PLXNA3: variants seen among roughly 807,000 people sequenced by gnomAD.
PLXNA3 encodes plexin A3.
Under a neutral mutation model 118.8 loss-of-function variants are expected in PLXNA3, and 52 were observed. That is an observed-to-expected ratio of 0.44 (90% CI 0.35 to 0.55). PLXNA3 has a LOEUF of 0.55. PLXNA3 is among the 20% of genes least tolerant of loss of function. The pLI, the probability that PLXNA3 is intolerant of heterozygous loss-of-function variation, is 0.01. For synonymous variants in PLXNA3, 925 were observed against 762.4 expected (o/e 1.21, Z -3.51); for missense variants, 1,660 against 1,730.8 (o/e 0.96, Z 0.73).
At position 154,466,415 on chromosome X, in the gene PLXNA3, G is replaced by A; in HGVS notation, c.2839G>A (p.Ala947Thr). Residue 947 changes from alanine to threonine, a missense_variant, in exon 16 of 33, where the codon GCG becomes ACG. Ala to Thr is a moderately conservative substitution (Grantham distance 58). Around this residue, in one of 2 missense-constraint regions of PLXNA3, gnomAD observed 869 missense variants for 1,078.7 expected, o/e 0.81. Transcript: ENST00000369682. ...CCAAGTGAGTCCCAGCCGTGGCCCG[G>A]CGTCCGGGGGCACACGGCTTACCAT... Reference protein sequence around the residue: ...FDQVSPSRGPASGGTRLTISG... With the variant: ...FDQVSPSRGPTSGGTRLTISG... 1 of 1,211,227 alleles carries A rather than the reference G, an allele frequency of 8.3e-7. No individual in the cohort carries two copies. Among genetic ancestry groups the A allele is most frequent in the Non-Finnish European group, 1.1e-6 (1 of 895,335 alleles).
intron 2 of PLXNA3, 138 bp from the exon 3 acceptor site, chrX:154,460,961 A>G: frequency 1.5e-6 from 1 of 658,825 alleles, no homozygotes; most frequent in South Asian, 2.8e-5. Context: ...GAGGCTGGTC[A>G]CCCTGCCCTC....
At position 154,465,754 on chromosome X, in the gene PLXNA3, G is replaced by A. The variant is rs1557206763; in HGVS notation, c.2439G>A (p.Arg813=). 3 of 1,210,376 alleles carry A rather than the reference G, an allele frequency of 2.5e-6. No homozygotes were observed. The highest frequency in any genetic ancestry group is 3.5e-5 in the South Asian group (2 of 56,967). Residue 813 remains arginine, a synonymous_variant, in exon 13 of 33, where the codon AGG becomes AGA. Transcript: ENST00000369682. Reference sequence around the variant, plus strand: ...GTGGCTGGTGCATCTCAGAGCACAGGTGCCAGCTGCGGACCCACTGCCCGG... The same window carrying A: ...GTGGCTGGTGCATCTCAGAGCACAGATGCCAGCTGCGGACCCACTGCCCGG... ...FNCGWCISEH[R]CQLRTHCPAP...
rs782526813 is a variant in PLXNA3, at chrX:154,471,165, C to T, written c.5217C>T (p.His1739=). Residue 1739 remains histidine (H), a synonymous_variant, in exon 31 of 33, where the codon CAC becomes CAT. Transcript: ENST00000369682. ...ACCCGCAGTTCGTGTTCGACATCCA[C>T]AAGAACAGCATCACGGATGCCTGCC... ...IKNPQFVFDI[H]KNSITDACLS... The T allele has an allele frequency of 2.4e-5, 29 of 1,211,117 alleles. No homozygotes were observed. Among genetic ancestry groups the T allele is most frequent in the Non-Finnish European group, 3.1e-5 (28 of 894,991 alleles).
At position 154,472,900 on chromosome X, in the gene PLXNA3, AC is replaced by A; in HGVS notation, c.*219del. On this transcript the variant is annotated 3_prime_UTR_variant, in exon 33 of 33. Transcript: ENST00000369682. The stretch of plus-strand genomic sequence containing the variant: ...GGGAGGGGTGACAGGGCGAGCCCCC[AC>A]CCCAGCAGCAGCAATACCCCCACCC... 2.6e-6 allele frequency: 1 copy of A among 388,406 alleles called. No individual in the cohort carries two copies. Among genetic ancestry groups the A allele is most frequent in the Non-Finnish European group, 4.6e-6 (1 of 218,132 alleles). The allele number at this position is 388,406 out of a possible 1,213,427, so 32.0% of individuals were successfully genotyped here. A position where few individuals can be genotyped will look rare whatever the true frequency, so the allele number is the denominator to read the frequency against.
rs201598545 is a variant in PLXNA3 at position 154,468,013 on chromosome X, G to A, written c.3820+12G>A. On this transcript the variant is annotated intron_variant, in intron 21 of 32. Transcript: ENST00000369682. ...GGAGTGCAAGGAAGGTGCCTGAGGC[G>A]GGGCGGGATGTGGTGTGGAAGCTGG... 38 of 1,198,528 alleles carry A rather than the reference G, an allele frequency of 3.2e-5. 1 individual carries two copies. The Admixed American group carries it at 3.5e-4, about 11-fold the overall frequency.
At chrX:154,468,768 A>T (rs1557208360) in intron 24 of PLXNA3, 39 bp downstream of exon 24, 2 of 1,210,870 alleles carry the variant, frequency 1.7e-6, no homozygotes, top group Middle Eastern at 2.3e-4. Flanking sequence ...GTGGTGGCAG[A>T]GGACCGGCCA....
rs1206186201 is a variant in PLXNA3, at chrX:154,466,089, G to T, written c.2678+9G>T. On this transcript the variant is annotated intron_variant, in intron 14 of 32. Coordinates refer to ENST00000369682, the MANE Select transcript of PLXNA3 (RefSeq NM_017514.5). Reference sequence around the variant, plus strand: ...TACATCAGTGCTGAGAGGTGAGTGCGGCTCTGTGGGTGCCCGGGCCGTATG... The same window carrying T: ...TACATCAGTGCTGAGAGGTGAGTGCTGCTCTGTGGGTGCCCGGGCCGTATG... 2 of 1,209,283 alleles carry T rather than the reference G, an allele frequency of 1.7e-6. No individual in the cohort carries two copies. The highest frequency in any genetic ancestry group is 3.5e-5 in the African/African-American group (2 of 57,950).
Position 154,470,590 on chromosome X carries a change from G to A in PLXNA3, c.5135G>A (p.Arg1712His), listed in dbSNP as rs141950364. 10 of 1,209,705 alleles carry A rather than the reference G, an allele frequency of 8.3e-6. No individual in the cohort carries two copies. Among genetic ancestry groups the A allele is most frequent in the Non-Finnish European group, 1.1e-5 (10 of 894,772 alleles). The change falls in exon 30 of 33, where the codon CGC (arginine) becomes CAC (histidine). Residue 1712 changes from arginine to histidine, a missense_variant. Physicochemically the swap from Arg to His is conservative, Grantham distance 29. This residue lies in a region of PLXNA3 where 869 missense variants were observed against 1,078.7 expected (regional missense o/e 0.81). Coordinates refer to ENST00000369682, the MANE Select transcript of PLXNA3 (RefSeq NM_017514.5). ...DQRQISDPDV[R>H]HTWKSNCLPL... ...CGCCAGATCAGCGACCCCGATGTGC[G>A]CCACACCTGGAAGAGCAACTGGTAT...
At position 154,464,012 on chromosome X, in the gene PLXNA3, A is replaced by G; in HGVS notation, c.1609A>G (p.Ser537Gly). The G allele has an allele frequency of 8.3e-7, 1 of 1,207,371 alleles. No homozygotes were observed. The highest frequency in any genetic ancestry group is 1.7e-5 in the African/African-American group (1 of 57,739). The stretch of plus-strand genomic sequence containing the variant: ...CCCACACGGCTTTGCTGAGGAGCTG[A>G]GCAAGTGTGTCCAGGTGCGGGTCCG... ...SAPHGFAEEL[S>G]KCVQVRVRPN... The change falls in exon 7 of 33, where the codon AGC (serine) becomes GGC (glycine). Residue 537 changes from serine (S) to glycine (G), a missense_variant. Ser to Gly is a moderately conservative substitution (Grantham distance 56). Transcript: ENST00000369682.
In PLXNA3 at chrX:154,469,751, TCCTTCA is replaced by T. The variant is rs2069153478; in HGVS notation, c.4771_4776del (p.Phe1591_Thr1592del). On this transcript the variant is annotated inframe_deletion, in exon 28 of 33. Transcript: ENST00000369682. ...AGTGTCTGCCTATAACATGGCCAAC[TCCTTCA>T]CCTTCACCCGCTCCCTCAGCCGCTA... 8.3e-7 allele frequency: 1 copy of T among 1,209,174 alleles called. No individual in the cohort carries two copies. Among genetic ancestry groups the T allele is most frequent in the Non-Finnish European group, 1.1e-6 (1 of 893,836 alleles).
At chrX:154,458,770 AC>A (rs1461121276) in intron 1 of PLXNA3, among the ~76,000 whole-genome samples, 1 of 111,176 alleles carries the variant, frequency 9.0e-6, no homozygotes, top group East Asian at 2.8e-4. Flanking sequence ...CGGCCGCTGG[AC>A]CCCCGTCTCT....
In PLXNA3 at chrX:154,461,084, C is replaced by T. The variant is rs376950963; in HGVS notation, c.595-15C>T. On this transcript the variant is annotated splice_polypyrimidine_tract_variant and intron_variant, in intron 2 of 32. Transcript: ENST00000369682. ...AGGGCCTCACCGGATGCTGTCTCCT[C>T]CCCCTGCTCCCCAGGTGTACCAGGA... is the stretch of plus-strand genomic sequence containing the variant. The T allele has an allele frequency of 2.1e-5, 25 of 1,179,006 alleles. 1 individual carries two copies. In the South Asian group the frequency reaches 4.2e-4, roughly 20 times the overall value.
At chrX:154,468,050 C>T in intron 21 of PLXNA3, 32 bp from the exon 22 acceptor site, 2 of 1,196,614 alleles carry the variant, frequency 1.7e-6, no homozygotes, top group Non-Finnish European at 1.1e-6. Flanking sequence ...GACCTCCCTC[C>T]TGCCCACTCA....
intron 30 of PLXNA3, 102 bp from the exon 31 acceptor site, chrX:154,471,003 A>C: frequency 1.6e-6 from 1 of 638,381 alleles, no homozygotes; most frequent in Non-Finnish European, 2.5e-6. Flanking sequence ...CCACCTCTGG[A>C]CAAGATGTGA....
Position 154,470,589 on chromosome X carries a change from C to T in PLXNA3, c.5134C>T (p.Arg1712Cys), listed in dbSNP as rs1557209140. Residue 1712 changes from arginine (R) to cysteine (C), a missense_variant, in exon 30 of 33, where the codon CGC (arginine) becomes TGC (cysteine). Physicochemically the swap from Arg to Cys is radical, Grantham distance 180 (BLOSUM62 -3). Transcript: ENST00000369682. Reference protein sequence around the residue: ...DQRQISDPDVRHTWKSNCLPL... With the variant: ...DQRQISDPDVCHTWKSNCLPL... ...GCGCCAGATCAGCGACCCCGATGTG[C>T]GCCACACCTGGAAGAGCAACTGGTA... 1.2e-5 allele frequency: 14 copies of T among 1,209,637 alleles called. No individual in the cohort carries two copies. The South Asian group carries it at 1.6e-4, about 14-fold the overall frequency.
rs375290922 is a variant in PLXNA3, at chrX:154,467,131, G to A, written c.3182G>A (p.Arg1061His). 33 of 1,208,566 alleles carry A rather than the reference G, an allele frequency of 2.7e-5. No individual in the cohort carries two copies. Among genetic ancestry groups the A allele is most frequent in the Middle Eastern group, 2.3e-4 (1 of 4,372 alleles). The stretch of plus-strand genomic sequence containing the variant: ...GAGCCCCGGGTCCGTGCCAAGTACC[G>A]CGGCATTGAGACCACCAATGTGAGT... The part of the protein sequence containing the change: ...VQEPRVRAKY[R>H]GIETTNTCQV... The change falls in exon 18 of 33, where the codon CGC becomes CAC. Residue 1061 changes from arginine to histidine, a missense_variant. By Grantham distance (29) the Arg-to-His change is conservative (BLOSUM62 0). Transcript: ENST00000369682.
At position 154,462,208 on chromosome X, in the gene PLXNA3, C is replaced by T. The variant is rs2068982481; in HGVS notation, c.1215C>T (p.Pro405=). The change falls in exon 4 of 33, where the codon CCC becomes CCT. Residue 405 remains proline (P), a synonymous_variant. Transcript: ENST00000369682. ...GCCTGCATGTGATCGAGGGGCTGCC[C>T]CTGCTGGCCGACAGCACCGACGGCA... is the stretch of plus-strand genomic sequence containing the variant. ...LGGLHVIEGL[P]LLADSTDGMA... is the part of the protein sequence containing the mutation. 2 of 1,204,763 alleles carry T rather than the reference C, an allele frequency of 1.7e-6. No homozygotes were observed. The highest frequency in any genetic ancestry group is 2.2e-6 in the Non-Finnish European group (2 of 891,773).
In PLXNA3 at chrX:154,465,018, G is replaced by A. The variant is rs1262996895; in HGVS notation, c.2044G>A (p.Gly682Ser). 55 of 1,195,573 alleles carry A rather than the reference G, an allele frequency of 4.6e-5. No homozygotes were observed. The highest frequency in any genetic ancestry group is 5.7e-5 in the Non-Finnish European group (51 of 887,219). The change falls in exon 11 of 33, where the codon GGC becomes AGC. Residue 682 changes from glycine to serine, a missense_variant and splice_region_variant. This residue lies in a region of PLXNA3 where 791 missense variants were observed against 652.1 expected (regional missense o/e 1.21). Transcript: ENST00000369682. ...FQEGRVHSPE[G>S]CPEILPSGDL... ...CAGCTGACAGGTGCTTTCCCCGCAG[G>A]GCTGCCCTGAGATCCTGCCCAGTGG...
At chrX:154,462,391 C>A in intron 4 of PLXNA3, 81 bp downstream of exon 4, 1 of 784,473 alleles carries the variant, frequency 1.3e-6, no homozygotes, top group Non-Finnish European at 1.8e-6. Flanking sequence ...CACGGGAGAG[C>A]TCTGAGGACA....
Sources: allele counts gnomAD v4.1 joint callset (sites outside exome capture counted in the v4.1 genomes callset), GRCh38; gene constraint gnomAD v4.1.1; regional missense constraint gnomAD v4.1.1; transcripts MANE v1.5; gene names NCBI Gene and HGNC (gene_info 2026-07-23, HGNC 2026-07-21).